The following DNAJC1 variants were observed in gnomAD, a reference collection of about 807,000 sequenced individuals.
DNAJC1 encodes the protein DnaJ heat shock protein family (Hsp40) member C1.
DNAJC1 carries 58 observed loss-of-function variants against 76.6 expected under a neutral mutation model. That is an observed-to-expected ratio of 0.76 (90% confidence interval 0.61 to 0.94). The LOEUF (loss-of-function observed/expected upper bound fraction) is 0.94, where lower values mean the gene tolerates loss of function less well. Ranked by LOEUF, DNAJC1 falls within the 40% of genes least tolerant of loss-of-function variation. The pLI is 0.00. For synonymous variants in DNAJC1, 258 were observed against 267.9 expected, an observed-to-expected ratio of 0.96 and a Z score of 0.36; for missense variants, 689 against 677.3, an observed-to-expected ratio of 1.02 and a Z score of -0.19.
At position 21,972,891 on chromosome 10, in the gene DNAJC1, C is replaced by T. The variant is rs781760948; in HGVS notation, c.222+30322G>A. On this transcript the variant is annotated intron_variant, in intron 1 of 11. Coordinates refer to ENST00000376980, the MANE Select transcript of DNAJC1 (RefSeq NM_022365.4). ...AGAACCTAAATACAATAATATTTTC[C>T]AATAAAATGTCTTTGATTCAAAAGA... Among the ~76,000 whole-genome samples the T allele has an allele frequency of 6.9e-4, 105 of 151,806 alleles. 1 individual carries two copies. Among genetic ancestry groups the T allele is most frequent in the Non-Finnish European group, 1.0e-4 (7 of 67,886 alleles).
At chr10:21,981,323 G>A (rs1838154627) in intron 1 of DNAJC1, among the ~76,000 whole-genome samples, 1 of 152,072 alleles carries the variant, frequency 6.6e-6, no homozygotes, top group African/African-American at 2.4e-5. Context: ...TTACTCACTT[G>A]GCATGTATTC....
intron 8 of DNAJC1, among the ~76,000 whole-genome samples, chr10:21,848,090 T>C (rs890719746): frequency 6.6e-6 from 1 of 152,192 alleles, no homozygotes; most frequent in African/African-American, 2.4e-5. Context: ...ACTATTAGTG[T>C]TTCCCTTTCT....
chr10:21,839,560 G>A (rs558924966), intron 8 of DNAJC1, among the ~76,000 whole-genome samples: 16 of 152,226 alleles, frequency 1.1e-4, no homozygotes, highest in African/African-American at 2.6e-4. Flanking sequence ...GGAAGAAGTC[G>A]AATCTCTGAA....
chr10:21,862,907 C>A (rs569127510), intron 8 of DNAJC1, among the ~76,000 whole-genome samples: 1 of 152,120 alleles, frequency 6.6e-6, no homozygotes, highest in Admixed American at 6.5e-5. Flanking sequence ...CCAAGGTAGG[C>A]GGATTACCTG....
intron 7 of DNAJC1, among the ~76,000 whole-genome samples, chr10:21,889,902 A>G (rs1836433664): frequency 2.0e-5 from 3 of 152,214 alleles, no homozygotes; most frequent in Admixed American, 2.0e-4. Flanking sequence ...CCAGCATAAG[A>G]GCAAAGACTA....
rs33953332 is a variant in DNAJC1 at position 21,849,292 on chromosome 10, C to CAAAAAA, written c.978+32984_978+32989dup. ...TGGGTGACAGAGTGGGACTCCGCCTCAAAAAAAAAAAAAAAAAAAAAAAAA... is the reference window on the plus strand; with the variant it reads ...TGGGTGACAGAGTGGGACTCCGCCTCAAAAAAAAAAAAAAAAAAAAAAAAAAAAAAA... On this transcript the variant is annotated intron_variant, in intron 8 of 11. Transcript: ENST00000376980. Among the ~76,000 whole-genome samples, 48 of 35,872 alleles carry CAAAAAA rather than the reference C, an allele frequency of 1.3e-3. 8 individuals are homozygous for CAAAAAA. The highest frequency in any genetic ancestry group is 5.8e-3 in the African/African-American group (47 of 8,086). The allele number at this position is 35,872 out of a possible 152,430, so 23.5% of individuals were successfully genotyped here.
chr10:21,959,098 A>G (rs1837742494), intron 1 of DNAJC1, among the ~76,000 whole-genome samples: 1 of 152,120 alleles, frequency 6.6e-6, no homozygotes, highest in Admixed American at 6.5e-5. Flanking sequence ...ACAGGAAAAC[A>G]AAACACCAAG....
At chr10:21,765,382 A>C (rs1007199412) in intron 10 of DNAJC1, among the ~76,000 whole-genome samples, 3 of 151,636 alleles carry the variant, frequency 2.0e-5, no homozygotes, top group African/African-American at 4.9e-5. Flanking sequence ...GCTTTTTGAG[A>C]TCTCTGGGTT....
intron 9 of DNAJC1, among the ~76,000 whole-genome samples, chr10:21,782,813 T>A (rs1308547741): frequency 1.3e-5 from 2 of 152,160 alleles, no homozygotes; most frequent in African/African-American, 4.8e-5. Context: ...CATGATTATC[T>A]CAATAGATGC....
At chr10:21,856,743 T>A (rs1472102850) in intron 8 of DNAJC1, among the ~76,000 whole-genome samples, 6 of 151,068 alleles carry the variant, frequency 4.0e-5, no homozygotes, top group Admixed American at 4.0e-4. Context: ...AAAAAAAAAT[T>A]TTTTTTTTTT....
At chr10:21,918,214 C>T (rs1397657257) in intron 6 of DNAJC1, among the ~76,000 whole-genome samples, 2 of 151,746 alleles carry the variant, frequency 1.3e-5, no homozygotes, top group Non-Finnish European at 3.0e-5. Context: ...AAACTGACAT[C>T]TAAATATGAT....
At chr10:21,862,653 G>T (rs576640478) in intron 8 of DNAJC1, among the ~76,000 whole-genome samples, 4 of 151,108 alleles carry the variant, frequency 2.6e-5, no homozygotes, top group Non-Finnish European at 5.9e-5. Context: ...GGTCTCGAAC[G>T]CCTGATCTCA....
At chr10:21,813,050 C>CACACATATATATACATATAT (rs1564794555) in intron 8 of DNAJC1, among the ~76,000 whole-genome samples, 3 of 142,110 alleles carry the variant, frequency 2.1e-5, no homozygotes, top group African/African-American at 5.3e-5. Flanking sequence ...CACACACACA[C>CACACATATATATACATATAT]ACATATATAT....
chr10:21,992,173 T>C (rs1175041799), intron 1 of DNAJC1, among the ~76,000 whole-genome samples: 1 of 152,128 alleles, frequency 6.6e-6, no homozygotes, highest in Non-Finnish European at 1.5e-5. Context: ...TAGCTGGGTG[T>C]GGTGGCATGT....
At chr10:21,836,351 A>G (rs1002210673) in intron 8 of DNAJC1, among the ~76,000 whole-genome samples, 3 of 152,234 alleles carry the variant, frequency 2.0e-5, no homozygotes, top group Non-Finnish European at 4.4e-5. Context: ...AGGAACAACC[A>G]GTACCAGCCA....
At chr10:21,975,400 T>C (rs1043889066) in intron 1 of DNAJC1, among the ~76,000 whole-genome samples, 3 of 152,100 alleles carry the variant, frequency 2.0e-5, no homozygotes, top group African/African-American at 7.2e-5. Flanking sequence ...GGGAGGTATA[T>C]AGCAATAGCT....
At chr10:21,819,202 A>C (rs989194435) in intron 8 of DNAJC1, among the ~76,000 whole-genome samples, 1 of 152,162 alleles carries the variant, frequency 6.6e-6, no homozygotes, top group South Asian at 2.1e-4. Context: ...AGAGATCAAG[A>C]CCACCCTGGC....
chr10:21,855,529 G>C (rs1835820921), intron 8 of DNAJC1, among the ~76,000 whole-genome samples: 1 of 152,102 alleles, frequency 6.6e-6, no homozygotes, highest in Non-Finnish European at 1.5e-5. Context: ...TTTTATTAAA[G>C]AGTAAACTAA....
intron 8 of DNAJC1, among the ~76,000 whole-genome samples, chr10:21,837,809 CCGTCCGGGAGGGA>C (rs1835491981): frequency 7.0e-6 from 1 of 142,312 alleles, no homozygotes; most frequent in African/African-American, 2.6e-5. Context: ...GCCAGCCGCC[CCGTCCGGGAGGGA>C]GGTGGGGGGC....
Sources: allele counts gnomAD v4.1 joint callset (sites outside exome capture counted in the v4.1 genomes callset), GRCh38; gene constraint gnomAD v4.1.1; transcripts MANE v1.5; gene names NCBI Gene and HGNC (gene_info 2026-07-23, HGNC 2026-07-21).